The following DIAPH2 variants were observed in gnomAD, a reference collection of about 807,000 sequenced individuals.
DIAPH2 encodes the protein diaphanous related formin 2.
A neutral mutation model predicts 92.7 loss-of-function variants in DIAPH2; 35 were observed. The observed-to-expected ratio is 0.38, with a 90% confidence interval of 0.29 to 0.50. DIAPH2 has a LOEUF of 0.50. Among genes scored for constraint, DIAPH2 ranks in the 20% least tolerant of loss-of-function variants. The pLI is 0.94. For missense variants in DIAPH2, 701 were observed against 819.5 expected, an observed-to-expected ratio of 0.86 and a Z score of 1.77; for synonymous variants, 301 against 280.4, an observed-to-expected ratio of 1.07 and a Z score of -0.73.
At chrX:97,484,276 C>T (rs139848429) in intron 26 of DIAPH2, among the ~76,000 whole-genome samples, 3,407 of 111,246 alleles carry the variant, frequency 0.031, 39 homozygotes, top group Middle Eastern at 0.056. Context: ...AATCTAATTC[C>T]GTTTTTACCA....
intron 4 of DIAPH2, among the ~76,000 whole-genome samples, chrX:96,878,540 A>G (rs1440606469): frequency 2.7e-5 from 3 of 111,871 alleles, no homozygotes; most frequent in African/African-American, 9.7e-5. Flanking sequence ...CTATAAAGTT[A>G]TATATTCTCT....
At chrX:96,777,458 CAT>C (rs4061284) in intron 4 of DIAPH2, among the ~76,000 whole-genome samples, 42,248 of 109,312 alleles carry the variant, frequency 0.39, 6,778 homozygotes, top group African/African-American at 0.61. Context: ...GTACTAGAAA[CAT>C]ATCAACAAGT....
chrX:96,948,226 A>C (rs2065750111), intron 14 of DIAPH2, among the ~76,000 whole-genome samples: 2 of 112,533 alleles, frequency 1.8e-5, no homozygotes, highest in African/African-American at 6.5e-5. Context: ...TAAGGAGTTG[A>C]AACTGCTTGA....
At position 96,961,671 on chromosome X, in the gene DIAPH2, T is replaced by C. The variant is rs182643374; in HGVS notation, c.1936-3422T>C. Among the ~76,000 whole-genome samples, 23 of 110,381 alleles carry C rather than the reference T, an allele frequency of 2.1e-4. No individual in the cohort carries two copies. In the Admixed American group the frequency reaches 2.1e-3, roughly 10 times the overall value. ...TTTTCGAAGTAGTTGTTTATTGCTA[T>C]GAACATCCCTCTTAGCATTGCTTTC... On this transcript the variant is annotated intron_variant, in intron 16 of 26. Coordinates refer to ENST00000324765, the MANE Select transcript of DIAPH2 (RefSeq NM_006729.5).
At chrX:96,885,759 A>G (rs772682454) in intron 5 of DIAPH2, among the ~76,000 whole-genome samples, 7 of 111,842 alleles carry the variant, frequency 6.3e-5, no homozygotes, top group Non-Finnish European at 1.3e-4. Flanking sequence ...TTCAATGATT[A>G]TTTCATATAT....
intron 17 of DIAPH2, among the ~76,000 whole-genome samples, chrX:97,003,876 G>A (rs2066161598): frequency 9.0e-6 from 1 of 111,510 alleles, no homozygotes; most frequent in South Asian, 3.8e-4. Context: ...AGAAATCTTT[G>A]CCTAGTCCAG....
At chrX:97,442,080 A>G (rs778755751) in intron 26 of DIAPH2, 3 of 113,022 alleles carry the variant, frequency 2.7e-5, no homozygotes, top group Middle Eastern at 4.7e-3. Context: ...CTCCTACACA[A>G]TATTATCAGC....
intron 26 of DIAPH2, among the ~76,000 whole-genome samples, chrX:97,541,030 C>T (rs1316407466): frequency 1.8e-5 from 2 of 111,403 alleles, no homozygotes; most frequent in East Asian, 2.8e-4. Context: ...TGAGGAAGTG[C>T]TAGCAAGCAT....
intron 4 of DIAPH2, among the ~76,000 whole-genome samples, chrX:96,840,925 T>C (rs768243784): frequency 1.2e-4 from 13 of 112,126 alleles, no homozygotes; most frequent in South Asian, 3.7e-4. Flanking sequence ...TTTTGAGATG[T>C]TAATCAGTTT....
At chrX:97,093,038 A>C (rs905320087) in intron 19 of DIAPH2, among the ~76,000 whole-genome samples, 4 of 87,303 alleles carry the variant, frequency 4.6e-5, no homozygotes, top group African/African-American at 1.4e-4. Flanking sequence ...TTTTTTAAAA[A>C]TCAGCCAGGC....
At chrX:96,950,616 A>G (rs185261151) in intron 15 of DIAPH2, among the ~76,000 whole-genome samples, 2 of 111,657 alleles carry the variant, frequency 1.8e-5, no homozygotes, top group Non-Finnish European at 3.8e-5. Context: ...CGCCTGGACT[A>G]TTACAATTGT....
At chrX:97,143,101 C>A (rs969502049) in intron 22 of DIAPH2, among the ~76,000 whole-genome samples, 5 of 111,033 alleles carry the variant, frequency 4.5e-5, no homozygotes, top group South Asian at 3.8e-4. Context: ...TCGTTGTTTT[C>A]AAAAAATTGT....
chrX:97,463,493 C>T (rs1288018666), intron 26 of DIAPH2, among the ~76,000 whole-genome samples: 2 of 109,659 alleles, frequency 1.8e-5, no homozygotes, highest in African/African-American at 6.6e-5. Context: ...CGGGTTCAAG[C>T]GATTCTCCTG....
intron 4 of DIAPH2, among the ~76,000 whole-genome samples, chrX:96,868,688 A>G (rs776612004): frequency 1.8e-5 from 2 of 111,635 alleles, no homozygotes; most frequent in East Asian, 5.7e-4. Flanking sequence ...CCATACCTGA[A>G]TAAGCTCTGC....
At chrX:97,507,626 TGA>T (rs2070846532) in intron 26 of DIAPH2, among the ~76,000 whole-genome samples, 1 of 112,004 alleles carries the variant, frequency 8.9e-6, no homozygotes, top group African/African-American at 3.2e-5. Flanking sequence ...GTTAAAACAA[TGA>T]GTTAGTTTTT....
At chrX:97,268,856 C>CT (rs747116851) in intron 23 of DIAPH2, among the ~76,000 whole-genome samples, 3,848 of 86,792 alleles carry the variant, frequency 0.044, 209 homozygotes, top group African/African-American at 0.13. Flanking sequence ...TCTTTTCTTT[C>CT]TTTTTTTTTT....
intron 22 of DIAPH2, among the ~76,000 whole-genome samples, chrX:97,217,690 G>A (rs770287780): frequency 8.9e-6 from 1 of 112,427 alleles, no homozygotes; most frequent in East Asian, 2.8e-4. Flanking sequence ...GCTCACGCCT[G>A]TAATCCCAGA....
intron 5 of DIAPH2, among the ~76,000 whole-genome samples, chrX:96,900,175 TAGAGA>T (rs1472907482): frequency 8.9e-6 from 1 of 111,956 alleles, no homozygotes; most frequent in Non-Finnish European, 1.9e-5. Flanking sequence ...GTTTTCCTTA[TAGAGA>T]TATTTTGCCT....
chrX:97,417,399 TAC>T (rs751129969), intron 25 of DIAPH2, among the ~76,000 whole-genome samples: 3 of 101,033 alleles, frequency 3.0e-5, no homozygotes, highest in African/African-American at 1.2e-4. Flanking sequence ...CACACACACA[TAC>T]ACACACACAC....
Sources: gnomAD v4.1 joint callset for allele counts (sites outside exome capture counted in the v4.1 genomes callset) on GRCh38, gnomAD v4.1.1 for gene constraint, MANE v1.5 for transcripts, NCBI Gene and HGNC (gene_info 2026-07-23, HGNC 2026-07-21) for gene names.